AFF1: variants seen among roughly 807,000 people sequenced by gnomAD.
AFF1 encodes AF4/FMR2 family member 1.
Under a neutral mutation model 121.7 loss-of-function variants are expected in AFF1, and 48 were observed. The observed-to-expected ratio is 0.39, with a 90% CI of 0.31 to 0.50. AFF1 has a LOEUF of 0.50. Among genes scored for constraint, AFF1 ranks in the 20% least tolerant of loss-of-function variants. The probability of loss-of-function intolerance (pLI) is 0.76; values close to 1 mark genes in which losing one functional copy is unlikely to be tolerated. For synonymous variants in AFF1, 613 were observed against 563.0 expected (o/e 1.09, Z -1.26); for missense variants, 1,523 against 1,511.7 (o/e 1.01, Z -0.12).
At chr4:86,966,344 C>G (rs1722540269) in intron 2 of AFF1, among the ~76,000 whole-genome samples, 2 of 152,158 alleles carry the variant, frequency 1.3e-5, no homozygotes, top group Non-Finnish European at 2.9e-5. Flanking sequence ...ATGAGGCCCT[C>G]TCAATTTCTC....
In AFF1 at chr4:86,951,898, G is replaced by A. The variant is rs1021893553; in HGVS notation, c.38+3327G>A. On this transcript the variant is annotated intron_variant, in intron 2 of 20. Coordinates refer to ENST00000395146, the MANE Select transcript of AFF1 (RefSeq NM_001166693.3). ...CAAAGTGCTGGGATTACAGGCGTGG[G>A]CCACCACATCTGGCTGGGAACCTTT... 2.0e-5 allele frequency among the ~76,000 whole-genome samples: 3 copies of A among 151,068 alleles called. No individual in the cohort carries two copies. The South Asian group carries it at 6.3e-4, about 32-fold the overall frequency.
At chr4:86,998,123 A>C (rs1047403692) in intron 2 of AFF1, among the ~76,000 whole-genome samples, 1 of 146,576 alleles carries the variant, frequency 6.8e-6, no homozygotes, top group Admixed American at 6.8e-5. Context: ...AAAAAAAAAA[A>C]AAAACAAGAA....
chr4:86,942,600 T>G (rs1720541708), intron 1 of AFF1, among the ~76,000 whole-genome samples: 1 of 152,214 alleles, frequency 6.6e-6, no homozygotes, highest in Non-Finnish European at 1.5e-5. Context: ...TCTCAGCCAG[T>G]GGTGACAGTT....
chr4:87,051,292 G>C (rs1213489296), intron 4 of AFF1, among the ~76,000 whole-genome samples: 1 of 152,138 alleles, frequency 6.6e-6, no homozygotes, highest in Non-Finnish European at 1.5e-5. Flanking sequence ...GACCAGAAGA[G>C]TTGTAATTTG....
intron 12 of AFF1, 60 bp from the exon 13 acceptor site, chr4:87,124,977 T>C (rs774135186): frequency 1.4e-5 from 20 of 1,394,210 alleles, no homozygotes; most frequent in Non-Finnish European, 1.9e-5. Context: ...TATTTTCTTT[T>C]CTGTTTTGTC....
At chr4:86,982,708 C>T (rs547328619) in intron 2 of AFF1, among the ~76,000 whole-genome samples, 37 of 151,496 alleles carry the variant, frequency 2.4e-4, no homozygotes, top group Non-Finnish European at 4.9e-4. Flanking sequence ...ATTATTCAGG[C>T]GTGGTGGCAG....
chr4:87,003,714 G>A (rs1037688769), intron 2 of AFF1, among the ~76,000 whole-genome samples: 9 of 152,140 alleles, frequency 5.9e-5, no homozygotes, highest in Middle Eastern at 3.2e-3. Context: ...ATACTAATTT[G>A]TTTATAGCAT....
At chr4:86,971,992 G>T (rs1722978036) in intron 2 of AFF1, among the ~76,000 whole-genome samples, 1 of 152,024 alleles carries the variant, frequency 6.6e-6, no homozygotes, top group African/African-American at 2.4e-5. Context: ...CAAAAGATTA[G>T]TCGGGAATAG....
Position 87,137,939 on chromosome 4 carries a change from C to T in AFF1, c.*2238C>T, listed in dbSNP as rs1267154253. 8.6e-6 allele frequency: 2 copies of T among 231,410 alleles called. No homozygotes were observed. Among genetic ancestry groups the T allele is most frequent in the East Asian group, 1.2e-4 (2 of 16,402 alleles). The allele number at this position is 231,410 out of a possible 1,614,324, so 14.3% of individuals were successfully genotyped here. On this transcript the variant is annotated 3_prime_UTR_variant, in exon 21 of 21. Transcript: ENST00000395146. ...ATGTGCGTGTTCTGTTGGCAAGCCA[C>T]AGTGCTCCCTTGACTGAAGACATTT...
At chr4:87,093,490 G>A (rs571579196) in intron 7 of AFF1, among the ~76,000 whole-genome samples, 14 of 152,196 alleles carry the variant, frequency 9.2e-5, no homozygotes, top group Non-Finnish European at 1.9e-4. Context: ...CTGGTACATA[G>A]GTTTTAGAGT....
Position 87,007,131 on chromosome 4 carries a change from G to C in AFF1, c.39-39035G>C, listed in dbSNP as rs1726216730. ...GGGGGCGCTCGCTTGCCCCGGATTC[G>C]GACGCGGCGCTCCCCGGGCTCGTCT... On this transcript the variant is annotated intron_variant, in intron 2 of 20. Coordinates refer to ENST00000395146, the MANE Select transcript of AFF1 (RefSeq NM_001166693.3). 5.5e-6 allele frequency: 7 copies of C among 1,267,040 alleles called. No homozygotes were observed. In the East Asian group the frequency reaches 2.3e-4, roughly 41 times the overall value. The allele number at this position is 1,267,040 out of a possible 1,614,324, so 78.5% of individuals were successfully genotyped here.
At chr4:86,971,217 G>A (rs146539010) in intron 2 of AFF1, among the ~76,000 whole-genome samples, 187 of 152,310 alleles carry the variant, frequency 1.2e-3, no homozygotes, top group Middle Eastern at 3.4e-3. Flanking sequence ...CAGGGACCAG[G>A]TCCTGAGTTT....
chr4:87,022,956 G>A (rs1578086584), intron 2 of AFF1, among the ~76,000 whole-genome samples: 1 of 151,992 alleles, frequency 6.6e-6, no homozygotes, highest in East Asian at 1.9e-4. Flanking sequence ...AGACTGGAGT[G>A]TAGTGGTGTG....
At chr4:86,993,222 C>A (rs1476164060) in intron 2 of AFF1, among the ~76,000 whole-genome samples, 2 of 152,168 alleles carry the variant, frequency 1.3e-5, no homozygotes, top group Non-Finnish European at 2.9e-5. Context: ...AAAAACAGCA[C>A]ATTTACGACA....
intron 2 of AFF1, among the ~76,000 whole-genome samples, chr4:87,041,546 A>G (rs1220330617): frequency 6.6e-6 from 1 of 152,202 alleles, no homozygotes. Flanking sequence ...CTCTTAGCTA[A>G]TGCAAAGTAC....
Position 86,995,431 on chromosome 4 carries a change from C to T in AFF1, c.38+46860C>T, listed in dbSNP as rs1361407903. On this transcript the variant is annotated intron_variant, in intron 2 of 20. Transcript: ENST00000395146. ...TCCCTGCCTGATTCTCCTGCCTCAG[C>T]CTGCCGAGTGCCTGCGATTGCAGGC... Among the ~76,000 whole-genome samples, 23 of 151,156 alleles carry T rather than the reference C, an allele frequency of 1.5e-4. 1 individual carries two copies. In the East Asian group the frequency reaches 3.1e-3, roughly 21 times the overall value.
At chr4:87,132,881 A>G (rs1316433082) in intron 19 of AFF1, among the ~76,000 whole-genome samples, 1 of 152,166 alleles carries the variant, frequency 6.6e-6, no homozygotes, top group Admixed American at 6.5e-5. Context: ...TTTAGTAGAG[A>G]TGGGGTTTCA....
intron 4 of AFF1, among the ~76,000 whole-genome samples, chr4:87,048,417 T>G (rs1281713607): frequency 6.6e-6 from 1 of 152,200 alleles, no homozygotes; most frequent in African/African-American, 2.4e-5. Flanking sequence ...TCACTGAAAT[T>G]TTAAAGTGGT....
intron 1 of AFF1, among the ~76,000 whole-genome samples, chr4:86,942,839 C>CA (rs1720565722): frequency 6.6e-6 from 1 of 152,232 alleles, no homozygotes; most frequent in East Asian, 1.9e-4. Context: ...CAGAAAAAGT[C>CA]AGAGTTCCTG....
Sources: allele counts gnomAD v4.1 joint callset (sites outside exome capture counted in the v4.1 genomes callset), GRCh38; gene constraint gnomAD v4.1.1; transcripts MANE v1.5; gene names NCBI Gene and HGNC (gene_info 2026-07-23, HGNC 2026-07-21).